The following SHANK2 variants were observed in gnomAD, a reference collection of about 807,000 sequenced individuals.
The protein encoded by SHANK2 is SH3 and multiple ankyrin repeat domains protein 2.
SHANK2 carries 43 observed loss-of-function variants against 133.7 expected under a neutral mutation model. The observed-to-expected ratio is 0.32, with a 90% CI of 0.25 to 0.41. SHANK2 has a LOEUF of 0.41. Ranked by LOEUF, SHANK2 falls within the 10% of genes least tolerant of loss-of-function variation. SHANK2 has a pLI of 1.00. For synonymous variants in SHANK2, 1,017 were observed against 952.8 expected (o/e 1.07, Z -1.24); for missense variants, 1,994 against 2,235.8 (o/e 0.89, Z 2.18).
intron 2 of SHANK2, among the ~76,000 whole-genome samples, chr11:71,193,603 C>T (rs560974087): frequency 6.6e-6 from 1 of 152,282 alleles, no homozygotes; most frequent in South Asian, 2.1e-4. Flanking sequence ...TCCCATGTGC[C>T]CCTAGCCACT....
intron 11 of SHANK2, among the ~76,000 whole-genome samples, chr11:70,841,422 G>A (rs1441259417): frequency 6.6e-6 from 1 of 152,206 alleles, no homozygotes; most frequent in East Asian, 1.9e-4. Flanking sequence ...CCATTACACA[G>A]CAGAGGAGTC....
intron 9 of SHANK2, among the ~76,000 whole-genome samples, chr11:71,073,763 C>A (rs1951181554): frequency 6.6e-6 from 1 of 152,156 alleles, no homozygotes; most frequent in African/African-American, 2.4e-5. Flanking sequence ...CTGCACCTGG[C>A]TGGAAGGCCT....
intron 3 of SHANK2, among the ~76,000 whole-genome samples, chr11:71,135,089 A>G (rs1258206959): frequency 6.6e-6 from 1 of 151,854 alleles, no homozygotes; most frequent in Non-Finnish European, 1.5e-5. Flanking sequence ...CCAACACACC[A>G]AGTTTGTGCA....
At position 70,535,663 on chromosome 11, in the gene SHANK2, C is replaced by A. The variant is rs548959337; in HGVS notation, c.2062-32732G>T. ...CGCTGGGGAATGAATAACTCCTGGCCCCGCCTTTAAGGGCTGCACAGTTGG... is the reference window on the plus strand; with the variant it reads ...CGCTGGGGAATGAATAACTCCTGGCACCGCCTTTAAGGGCTGCACAGTTGG... On this transcript the variant is annotated intron_variant, in intron 17 of 25. Coordinates refer to ENST00000601538, the MANE Select transcript of SHANK2 (RefSeq NM_012309.5). This position sits in a 1 kb window ranked among gnomAD's most constrained non-coding sequence, Gnocchi z 4.3. Among the ~76,000 whole-genome samples the A allele has an allele frequency of 2.6e-5, 4 of 152,344 alleles. No homozygotes were observed. In the South Asian group the frequency reaches 8.3e-4, roughly 32 times the overall value.
Position 71,187,371 on chromosome 11 carries a change from T to G in SHANK2, c.-13+37326A>C, listed in dbSNP as rs571333991. ...GTTTGGGGACAGTTTTTCATGGGTT[T>G]CTCATGTTTTGTTTGGAGACAGTTT... On this transcript the variant is annotated intron_variant, in intron 2 of 25. Coordinates refer to ENST00000601538, the MANE Select transcript of SHANK2 (RefSeq NM_012309.5). 1.8e-3 allele frequency among the ~76,000 whole-genome samples: 270 copies of G among 152,008 alleles called. 1 individual carries two copies. Among genetic ancestry groups the G allele is most frequent in the Middle Eastern group, 0.014 (4 of 290 alleles).
chr11:70,585,831 C>A (rs188049757), intron 17 of SHANK2, among the ~76,000 whole-genome samples: 3,707 of 87,066 alleles, frequency 0.043, 82 homozygotes, highest in East Asian at 0.18. Flanking sequence ...TTTGCTCACC[C>A]ACCCACCCAC....
intron 3 of SHANK2, among the ~76,000 whole-genome samples, chr11:71,142,643 C>A (rs1590952883): frequency 6.6e-6 from 1 of 152,000 alleles, no homozygotes; most frequent in African/African-American, 2.4e-5. Flanking sequence ...AATAAAGGAT[C>A]CAACCGATAA....
intron 10 of SHANK2, chr11:70,952,706 A>G: frequency 2.5e-6 from 1 of 400,980 alleles, no homozygotes; most frequent in Non-Finnish European, 5.3e-6. Context: ...TCAGGGCAGC[A>G]CTCTGGGGGA....
intron 17 of SHANK2, among the ~76,000 whole-genome samples, chr11:70,642,519 G>A (rs967854797): frequency 6.6e-5 from 10 of 152,198 alleles, no homozygotes; most frequent in South Asian, 4.1e-4. Context: ...TGGGGACGGC[G>A]GCTCAGCCTG....
intron 17 of SHANK2, among the ~76,000 whole-genome samples, chr11:70,599,905 G>GAAAGAGAAAGAAATAA (rs1466206835): frequency 1.4e-5 from 1 of 73,730 alleles, no homozygotes; most frequent in Non-Finnish European, 2.5e-5. Flanking sequence ...AAGAAAGAAA[G>GAAAGAGAAAGAAATAA]AGAAAGAAAG....
intron 17 of SHANK2, among the ~76,000 whole-genome samples, chr11:70,652,435 T>C (rs2061348895): frequency 6.6e-6 from 1 of 152,202 alleles, no homozygotes; most frequent in Non-Finnish European, 1.5e-5. Context: ...TATCCCCGTT[T>C]GTTCAACTAA....
intron 1 of SHANK2, among the ~76,000 whole-genome samples, chr11:71,240,358 G>A (rs1555124236): frequency 6.6e-6 from 1 of 152,144 alleles, no homozygotes; most frequent in African/African-American, 2.4e-5. Context: ...GACAAGCCGT[G>A]ACAAGCTGTC....
intron 24 of SHANK2, chr11:70,489,079 C>A: frequency 2.0e-6 from 1 of 512,530 alleles, no homozygotes. Flanking sequence ...AGTCCTAGGA[C>A]AAACTACAAT....
rs1020210575 is a variant in SHANK2 at position 70,804,878 on chromosome 11, C to T, written c.1663+2124G>A. On this transcript the variant is annotated intron_variant, in intron 13 of 25. Coordinates refer to ENST00000601538, the MANE Select transcript of SHANK2 (RefSeq NM_012309.5). The surrounding 1 kb of genome is among the most constrained non-coding windows in gnomAD (Gnocchi z 4.1). ...GGCTCATCACCGGCTCCCCCTCTCC[C>T]TTGAGCTCCTGCTCATCCATGCTGC... 2.6e-5 allele frequency among the ~76,000 whole-genome samples: 4 copies of T among 152,310 alleles called. No individual in the cohort carries two copies. The highest frequency in any genetic ancestry group is 2.0e-4 in the Admixed American group (3 of 15,302).
chr11:71,246,047 G>A (rs149331354), intron 1 of SHANK2, among the ~76,000 whole-genome samples: 6 of 152,160 alleles, frequency 3.9e-5, no homozygotes, highest in Non-Finnish European at 5.9e-5. Context: ...GTACAAATGA[G>A]GCCACAGAAG....
chr11:71,077,433 C>T (rs1188774223), intron 8 of SHANK2, among the ~76,000 whole-genome samples: 1 of 152,156 alleles, frequency 6.6e-6, no homozygotes, highest in African/African-American at 2.4e-5. Flanking sequence ...TGAAACGGAA[C>T]CGCTGACTCC....
chr11:70,779,718 A>G (rs1555044735), intron 14 of SHANK2, among the ~76,000 whole-genome samples: 2 of 152,166 alleles, frequency 1.3e-5, no homozygotes, highest in Non-Finnish European at 2.9e-5. Context: ...CTGATCTTCA[A>G]GGAGCTGAGG....
intron 14 of SHANK2, among the ~76,000 whole-genome samples, chr11:70,793,309 A>G (rs2135190822): frequency 6.6e-6 from 1 of 152,286 alleles, no homozygotes; most frequent in Admixed American, 6.5e-5. Context: ...CATGGAGATG[A>G]CTGTGGGACT....
At chr11:70,560,191 G>A (rs79481981) in intron 17 of SHANK2, among the ~76,000 whole-genome samples, 3,489 of 152,204 alleles carry the variant, frequency 0.023, 77 homozygotes, top group East Asian at 0.1. Context: ...ATTTCAAGTG[G>A]AGCAGAATGT....
Sources: gnomAD v4.1 joint callset for allele counts (sites outside exome capture counted in the v4.1 genomes callset) on GRCh38, gnomAD v4.1.1 for gene constraint, Gnocchi (gnomAD v3.1) non-coding constraint, MANE v1.5 for transcripts, NCBI Gene and HGNC (gene_info 2026-07-23, HGNC 2026-07-21) for gene names.